CUL4A: variants seen among roughly 807,000 people sequenced by gnomAD.
CUL4A encodes cullin-4A.
Under a neutral mutation model 95.5 loss-of-function variants are expected in CUL4A, and 16 were observed. The observed-to-expected ratio is 0.17, with a 90% confidence interval of 0.11 to 0.25. The LOEUF (loss-of-function observed/expected upper bound fraction) is 0.25. Among genes scored for constraint, CUL4A ranks in the 10% least tolerant of loss-of-function variants. CUL4A has a pLI of 1.00. For missense variants in CUL4A, 610 were observed against 937.0 expected (o/e 0.65, Z 4.56); for synonymous variants, 380 against 353.1 (o/e 1.08, Z -0.85).
chr13:113,229,546 C>A, intron 5 of CUL4A, 27 bp downstream of exon 5: 1 of 1,587,238 alleles, frequency 6.3e-7, no homozygotes, highest in South Asian at 1.1e-5. Context: ...CGCAGAGCTG[C>A]GTCTTCCCTG....
chr13:113,263,513 A>G lies in CUL4A; in HGVS notation c.2211A>G (p.Glu737=). The part of the protein sequence containing the change: ...VKPGDLKKRI[E]SLIDRDYMER... ...CTGGAGATTTGAAAAAGAGAATTGA[A>G]TCTCTGATAGACAGAGACTATATGG... Residue 737 remains glutamate (E), a synonymous_variant, in exon 20 of 20, where the codon GAA becomes GAG. Coordinates refer to ENST00000375440, the MANE Select transcript of CUL4A (RefSeq NM_001008895.4). 6.2e-7 allele frequency: 1 copy of G among 1,604,030 alleles called. No homozygotes were observed. Among genetic ancestry groups the G allele is most frequent in the Non-Finnish European group, 8.5e-7 (1 of 1,175,744 alleles).
chr13:113,208,613 G>A, upstream of CUL4A: 4 of 1,609,256 alleles, frequency 2.5e-6, no homozygotes, highest in South Asian at 1.1e-5. Flanking sequence ...TGCAGGTACT[G>A]GTTAATGGTA....
At chr13:113,247,866 C>T (rs1029624742) in intron 15 of CUL4A, among the ~76,000 whole-genome samples, 3 of 152,150 alleles carry the variant, frequency 2.0e-5, no homozygotes, top group Admixed American at 6.5e-5. Context: ...ATACTTTCAC[C>T]CCATTTCTGT....
intron 11 of CUL4A, 56 bp from the exon 12 acceptor site, chr13:113,244,354 T>C (rs1204882053): frequency 2.4e-6 from 3 of 1,261,102 alleles, no homozygotes; most frequent in African/African-American, 3.0e-5. Flanking sequence ...CTAATAGAAA[T>C]TGAAGATGCT....
intron 18 of CUL4A, among the ~76,000 whole-genome samples, chr13:113,257,668 A>T (rs2042164728): frequency 6.6e-6 from 1 of 152,186 alleles, no homozygotes; most frequent in South Asian, 2.1e-4. Flanking sequence ...CCCATCTCCA[A>T]CACTGGAGAC....
intron 3 of CUL4A, among the ~76,000 whole-genome samples, chr13:113,223,406 T>C (rs1294956817): frequency 1.3e-5 from 2 of 151,760 alleles, no homozygotes; most frequent in East Asian, 2.0e-4. Flanking sequence ...TTGTTGTTGT[T>C]GTTTTGAGAC....
rs542041644 is a variant in CUL4A at position 113,234,038 on chromosome 13, C to T, written c.765+52C>T. The T allele has an allele frequency of 1.9e-4, 212 of 1,092,056 alleles. 1 individual carries two copies. The highest frequency in any genetic ancestry group is 8.1e-4 in the Middle Eastern group (4 of 4,942). 67.6% of individuals were successfully genotyped at this position (1,092,056 alleles called of 1,614,324 possible). On this transcript the variant is annotated intron_variant, in intron 7 of 19. Transcript: ENST00000375440. ...CCCTGGCTTCGTTTCTGCAGATGAG[C>T]ACCTAGGAGGACTTTCCTCATGTTT... is the stretch of plus-strand genomic sequence containing the variant.
chr13:113,223,926 CAAAAT>C (rs1429152736), intron 3 of CUL4A, among the ~76,000 whole-genome samples: 2 of 152,178 alleles, frequency 1.3e-5, no homozygotes, highest in Non-Finnish European at 2.9e-5. Flanking sequence ...GTCCCTTCCT[CAAAAT>C]AAAGGCCATT....
chr13:113,259,496 T>C lies in CUL4A; in HGVS notation c.2032-1111T>C, dbSNP rs192721860. On this transcript the variant is annotated intron_variant, in intron 18 of 19. Coordinates refer to ENST00000375440, the MANE Select transcript of CUL4A (RefSeq NM_001008895.4). The stretch of plus-strand genomic sequence containing the variant: ...ATTTGCTGTTTGTTTCTGATAACCA[T>C]GTTTTATCATGTTCAGATGCTTTTT... 2.0e-5 allele frequency among the ~76,000 whole-genome samples: 3 copies of C among 152,260 alleles called. No individual in the cohort carries two copies. The East Asian group carries it at 5.8e-4, about 29-fold the overall frequency.
At chr13:113,211,154 C>T (rs1001969559) in intron 2 of CUL4A, among the ~76,000 whole-genome samples, 1 of 152,238 alleles carries the variant, frequency 6.6e-6, no homozygotes, top group Non-Finnish European at 1.5e-5. Context: ...TAGCCCTTGG[C>T]GGTCCCCCAT....
intron 3 of CUL4A, among the ~76,000 whole-genome samples, chr13:113,220,211 C>T (rs181563823): frequency 1.2e-4 from 19 of 152,338 alleles, no homozygotes; most frequent in African/African-American, 3.8e-4. Flanking sequence ...AGTTGAAGCA[C>T]GTGACAGGGA....
intron 11 of CUL4A, 43 bp from the exon 12 acceptor site, chr13:113,244,367 C>G: frequency 7.0e-7 from 1 of 1,428,684 alleles, no homozygotes; most frequent in East Asian, 2.4e-5. Context: ...AAGATGCTCT[C>G]TTTTTCTAGT....
chr13:113,213,485 A>C (rs1261035156), intron 2 of CUL4A, among the ~76,000 whole-genome samples: 2 of 20,408 alleles, frequency 9.8e-5, no homozygotes, highest in Non-Finnish European at 0.012. Flanking sequence ...TCTTGACTAG[A>C]AACGAGTCCC....
intron 18 of CUL4A, among the ~76,000 whole-genome samples, chr13:113,260,204 A>C (rs1401582211): frequency 1.1e-5 from 1 of 95,010 alleles, no homozygotes; most frequent in Non-Finnish European, 2.2e-5. Flanking sequence ...ACTCCGTCTC[A>C]AAAAAAAAAA....
At chr13:113,208,772 C>G, upstream of CUL4A, 2 of 1,428,384 alleles carry the variant, frequency 1.4e-6, no homozygotes, top group Admixed American at 2.9e-5. Context: ...GGAGGGAGAA[C>G]CTGGGGACCG....
In CUL4A at chr13:113,266,403, A is replaced by AACATTACT. The variant is rs1232023670; in HGVS notation, c.*2823_*2830dup. 6.6e-6 allele frequency: 1 copy of AACATTACT among 152,278 alleles called. No homozygotes were observed. Among genetic ancestry groups the AACATTACT allele is most frequent in the African/African-American group, 2.4e-5 (1 of 41,480 alleles). 9.4% of individuals were successfully genotyped at this position (152,278 alleles called of 1,614,324 possible). A position where few individuals can be genotyped will look rare whatever the true frequency, so the allele number is the denominator to read the frequency against. On this transcript the variant is annotated 3_prime_UTR_variant, in exon 20 of 20. Transcript: ENST00000375440. ...GAAACACCTATGTGAAAGGTATTAT[A>AACATTACT]ACATTACTAAGGAACACAGGCCCTG...
chr13:113,237,573 A>G (rs9549708), intron 9 of CUL4A, among the ~76,000 whole-genome samples: 31,259 of 152,090 alleles, frequency 0.21, 3,873 homozygotes, highest in South Asian at 0.42. Flanking sequence ...GCTGAATTCT[A>G]TGAAAATTAC....
At chr13:113,219,437 A>C (rs1400903470) in intron 3 of CUL4A, 1 of 167,332 alleles carries the variant, frequency 6.0e-6, no homozygotes, top group Non-Finnish European at 1.3e-5. Context: ...GCCAGGCAGG[A>C]TTCAGTGGAT....
At chr13:113,259,500 T>G (rs2042214526) in intron 18 of CUL4A, among the ~76,000 whole-genome samples, 1 of 152,266 alleles carries the variant, frequency 6.6e-6, no homozygotes, top group South Asian at 2.1e-4. Flanking sequence ...TAACCATGTT[T>G]TATCATGTTC....
Sources: allele counts gnomAD v4.1 joint callset (sites outside exome capture counted in the v4.1 genomes callset), GRCh38; gene constraint gnomAD v4.1.1; transcripts MANE v1.5; gene names NCBI Gene and HGNC (gene_info 2026-07-23, HGNC 2026-07-21).